ZSCAN30: variants seen among roughly 807,000 people sequenced by gnomAD.
ZSCAN30 encodes the protein zinc finger and SCAN domain-containing protein 30.
ZSCAN30 carries 37 observed loss-of-function variants against 44.3 expected under a neutral mutation model. The observed-to-expected ratio is 0.84, with a 90% CI of 0.64 to 1.10. ZSCAN30 has a LOEUF of 1.10. ZSCAN30 is among the 50% of genes least tolerant of loss of function. The probability of loss-of-function intolerance (pLI) is 0.00; values close to 1 mark genes in which losing one functional copy is unlikely to be tolerated. For missense variants in ZSCAN30, 549 were observed against 582.6 expected (o/e 0.94, Z 0.59); for synonymous variants, 181 against 204.6 (o/e 0.88, Z 0.98).
intron 3 of ZSCAN30, chr18:35,257,822 G>T: frequency 1.3e-6 from 1 of 773,756 alleles, no homozygotes. Flanking sequence ...TGCTTCAGCG[G>T]CCCATGAAAT....
chr18:35,253,661 C>T lies in ZSCAN30; in HGVS notation c.1274G>A (p.Ser425Asn). Residue 425 changes from serine to asparagine, a missense_variant, in exon 4 of 4, where the codon AGT becomes AAT. Transcript: ENST00000333206. ...TCTTTGATGTTCAATAAGGATAGAA[C>T]TCCTACCAAAAGCCTTACCACATGC... is the stretch of plus-strand genomic sequence containing the variant. ...CIACGKAFGR[S>N]SILIEHQRIH... 6.2e-7 allele frequency: 1 copy of T among 1,614,120 alleles called. No individual in the cohort carries two copies. Among genetic ancestry groups the T allele is most frequent in the East Asian group, 2.2e-5 (1 of 44,890 alleles).
At chr18:35,279,956 G>A (rs1042457002) in intron 1 of ZSCAN30, among the ~76,000 whole-genome samples, 10 of 152,150 alleles carry the variant, frequency 6.6e-5, no homozygotes, top group Admixed American at 1.3e-4. Flanking sequence ...CCACAACAAT[G>A]TGATTAACAT....
Position 35,254,107 on chromosome 18 carries a change from A to T in ZSCAN30, c.828T>A (p.His276Gln). 6.2e-7 allele frequency: 1 copy of T among 1,614,098 alleles called. No homozygotes were observed. Among genetic ancestry groups the T allele is most frequent in the South Asian group, 1.1e-5 (1 of 91,086 alleles). ...IPTEHSVLES[H>Q]ESEGSFSMNS... ...TCATACTGAAACTTCCTTCACTCTC[A>T]TGAGATTCAAGGACACTGTGTTCTG... Residue 276 changes from histidine to glutamine, a missense_variant, in exon 4 of 4, where the codon CAT becomes CAA. Transcript: ENST00000333206.
intron 3 of ZSCAN30, chr18:35,261,327 C>CT (rs1165280240): frequency 9.2e-5 from 14 of 152,110 alleles, no homozygotes; most frequent in African/African-American, 3.1e-4. Context: ...ATTGTCTTGG[C>CT]TATAAGGGCT....
Position 35,254,368 on chromosome 18 carries a change from C to G in ZSCAN30, c.567G>C (p.Val189=). 6.2e-7 allele frequency: 1 copy of G among 1,613,912 alleles called. No homozygotes were observed. ...GCTTTGCCATCAACACTTTGCCAGC[C>G]ACCATCCTGCCATCTAAAAATGTGA... ...QAFQERDGRM[V]AGKVLMAKQE... The change falls in exon 4 of 4, where the codon GTG becomes GTC. Residue 189 remains valine, a synonymous_variant. Transcript: ENST00000333206.
intron 1 of ZSCAN30, among the ~76,000 whole-genome samples, chr18:35,270,859 G>A (rs999949935): frequency 3.3e-5 from 5 of 152,172 alleles, no homozygotes; most frequent in African/African-American, 4.8e-5. Flanking sequence ...TCTAATGTTC[G>A]GACATGTTCA....
At chr18:35,257,787 A>G (rs538995192) in intron 3 of ZSCAN30, 1 of 731,616 alleles carries the variant, frequency 1.4e-6, no homozygotes, top group Non-Finnish European at 2.5e-6. Flanking sequence ...CTGCGTCAAG[A>G]AGAGACAACT....
intron 1 of ZSCAN30, among the ~76,000 whole-genome samples, chr18:35,271,930 G>C (rs530365366): frequency 2.0e-5 from 3 of 152,084 alleles, no homozygotes; most frequent in Non-Finnish European, 2.9e-5. Flanking sequence ...GGCGCTGGCC[G>C]GCCGCTCCAA....
rs2043621485 is a variant in ZSCAN30 at position 35,252,165 on chromosome 18, A to G, written c.*1285T>C. The G allele has an allele frequency of 6.6e-6, 1 of 152,134 alleles. No individual in the cohort carries two copies. The highest frequency in any genetic ancestry group is 2.1e-4 in the South Asian group (1 of 4,820). The allele number at this position is 152,134 out of a possible 1,614,324, so 9.4% of individuals were successfully genotyped here. A position where few individuals can be genotyped will look rare whatever the true frequency, so the allele number is the denominator to read the frequency against. On this transcript the variant is annotated 3_prime_UTR_variant, in exon 4 of 4. Coordinates refer to ENST00000333206, the MANE Select transcript of ZSCAN30 (RefSeq NM_001112734.4). Reference sequence around the variant, plus strand: ...GCTTTTCCTCTTCCTACTTATAATCACTGAGTTGGGGAGCCTATTCTAGAC... The same window carrying G: ...GCTTTTCCTCTTCCTACTTATAATCGCTGAGTTGGGGAGCCTATTCTAGAC...
chr18:35,278,819 G>A (rs2044408539), intron 1 of ZSCAN30, among the ~76,000 whole-genome samples: 1 of 152,178 alleles, frequency 6.6e-6, no homozygotes, highest in Non-Finnish European at 1.5e-5. Flanking sequence ...CAATAGCACA[G>A]CATGATTCAG....
At chr18:35,257,754 C>A (rs151287736) in intron 3 of ZSCAN30, among the ~76,000 whole-genome samples, 9 of 152,318 alleles carry the variant, frequency 5.9e-5, no homozygotes, top group African/African-American at 2.2e-4. Flanking sequence ...CAGGAAGTAA[C>A]TTCCACCTTC....
intron 1 of ZSCAN30, among the ~76,000 whole-genome samples, chr18:35,286,682 T>A (rs991524334): frequency 1.3e-5 from 2 of 152,010 alleles, no homozygotes; most frequent in Non-Finnish European, 2.9e-5. Flanking sequence ...AGAGAAAGGA[T>A]GCTTAAGATT....
rs1187625683 is a variant in ZSCAN30, at chr18:35,253,613, T to A, written c.1322A>T (p.Tyr441Phe). The change falls in exon 4 of 4, where the codon TAT (tyrosine) becomes TTT (phenylalanine). Residue 441 changes from tyrosine to phenylalanine, a missense_variant. Transcript: ENST00000333206. ...GGATTTTCCACATTCATTACATTCA[T>A]AAGGTTTCTCTCCAGTGTGAATTCT... is the stretch of plus-strand genomic sequence containing the variant. ...HQRIHTGEKP[Y>F]ECNECGKSFN... 6.2e-7 allele frequency: 1 copy of A among 1,614,142 alleles called. No individual in the cohort carries two copies. The highest frequency in any genetic ancestry group is 1.3e-5 in the African/African-American group (1 of 75,032).
intron 1 of ZSCAN30, among the ~76,000 whole-genome samples, chr18:35,286,953 A>G (rs2044563495): frequency 6.6e-6 from 1 of 152,174 alleles, no homozygotes; most frequent in Non-Finnish European, 1.5e-5. Context: ...AGAACTAATA[A>G]ATGAATTTAA....
intron 1 of ZSCAN30, among the ~76,000 whole-genome samples, chr18:35,271,645 C>T (rs895879100): frequency 5.3e-5 from 8 of 152,254 alleles, no homozygotes; most frequent in South Asian, 2.1e-4. Context: ...TCCTGCACCG[C>T]GTGCCTGCAC....
chr18:35,282,923 A>T (rs992409365), intron 1 of ZSCAN30: 2 of 152,246 alleles, frequency 1.3e-5, no homozygotes, highest in African/African-American at 4.8e-5. Context: ...CAACAGCATT[A>T]TAAGAGTGCC....
At chr18:35,285,171 A>ACTT (rs1215119936) in intron 1 of ZSCAN30, 1 of 152,540 alleles carries the variant, frequency 6.6e-6, no homozygotes, top group Non-Finnish European at 1.5e-5. Context: ...AGAGTGAGAG[A>ACTT]CTCCATCTCA....
intron 1 of ZSCAN30, among the ~76,000 whole-genome samples, chr18:35,278,325 G>A (rs987779943): frequency 8.5e-5 from 13 of 152,120 alleles, no homozygotes; most frequent in East Asian, 1.9e-4. Flanking sequence ...TGGGTACCTC[G>A]TTTCCTGCTT....
intron 1 of ZSCAN30, among the ~76,000 whole-genome samples, chr18:35,285,668 A>G (rs2143785173): frequency 6.6e-6 from 1 of 152,306 alleles, no homozygotes; most frequent in African/African-American, 2.4e-5. Context: ...AATGAAAATA[A>G]AAAGACAACA....
Sources: allele counts gnomAD v4.1 joint callset (sites outside exome capture counted in the v4.1 genomes callset), GRCh38; gene constraint gnomAD v4.1.1; transcripts MANE v1.5; gene names NCBI Gene and HGNC (gene_info 2026-07-23, HGNC 2026-07-21).